The following RNF212 variants were observed in gnomAD, a reference collection of about 807,000 sequenced individuals.
RNF212 encodes probable E3 SUMO-protein ligase RNF212.
In RNF212, 33 loss-of-function variants were observed where a neutral mutation model predicts 34.7. That is an observed-to-expected ratio of 0.95 (90% CI 0.72 to 1.27). The LOEUF (loss-of-function observed/expected upper bound fraction) is 1.27, where lower values mean the gene tolerates loss of function less well. Among genes scored for constraint, RNF212 ranks in the 50% most tolerant of loss-of-function variants. RNF212 has a pLI of 0.00. For synonymous variants in RNF212, 140 were observed against 136.1 expected (o/e 1.03, Z -0.20); for missense variants, 377 against 362.2 (o/e 1.04, Z -0.33).
At chr4:1,099,792 T>C (rs1369684800) in intron 2 of RNF212, 1 of 456,232 alleles carries the variant, frequency 2.2e-6, no homozygotes, top group Non-Finnish European at 4.4e-6. Context: ...TCAACCCTGG[T>C]GCAGAGCAAT....
chr4:1,099,873 C>A, intron 2 of RNF212: 1 of 456,192 alleles, frequency 2.2e-6, no homozygotes, highest in Non-Finnish European at 4.4e-6. Context: ...GCTCTCCTCA[C>A]GCAGCTGTAA....
chr4:1,058,167 C>G (rs919855879), intron 4 of RNF212, among the ~76,000 whole-genome samples: 7 of 150,510 alleles, frequency 4.7e-5, no homozygotes, highest in African/African-American at 1.5e-4. Flanking sequence ...AGCACTAATT[C>G]TCTCTGGTGA....
At chr4:1,101,435 C>G (rs1723969825) in intron 2 of RNF212, 1 of 158,990 alleles carries the variant, frequency 6.3e-6, no homozygotes. Flanking sequence ...GTCCTGTAAA[C>G]ATGGTATTCC....
At chr4:1,079,121 A>G (rs1470324947) in intron 8 of RNF212, among the ~76,000 whole-genome samples, 2 of 151,618 alleles carry the variant, frequency 1.3e-5, no homozygotes, top group African/African-American at 2.4e-5. Context: ...GGGTCAACAC[A>G]GGACCAACAT....
At chr4:1,078,981 G>A (rs1343717380) in intron 8 of RNF212, among the ~76,000 whole-genome samples, 6 of 77,242 alleles carry the variant, frequency 7.8e-5, no homozygotes, top group East Asian at 3.7e-4. Context: ...CCAACACAGG[G>A]TCAACACAGG....
rs1160885517 is a variant in RNF212 at position 1,072,842 on chromosome 4, C to T, written c.*32G>A. The T allele has an allele frequency of 6.5e-7, 1 of 1,539,746 alleles. No homozygotes were observed. The highest frequency in any genetic ancestry group is 1.4e-5 in the African/African-American group (1 of 72,790). On this transcript the variant is annotated 3_prime_UTR_variant, in exon 10 of 10. Coordinates refer to ENST00000433731, the MANE Select transcript of RNF212 (RefSeq NM_001131034.4). ...AACACAGAGGAATAAATTGAAAACACTCAGAATCATTAATAGTCACATAAA... is the reference window on the plus strand; with the variant it reads ...AACACAGAGGAATAAATTGAAAACATTCAGAATCATTAATAGTCACATAAA...
downstream of RNF212, among the ~76,000 whole-genome samples, chr4:1,069,044 C>G (rs146684160): frequency 7.0e-3 from 1,072 of 152,170 alleles, 11 homozygotes; most frequent in African/African-American, 0.022. Context: ...TCCATCTCTA[C>G]TAAAAATACA....
chr4:1,098,484 T>G (rs1232120514), intron 2 of RNF212, among the ~76,000 whole-genome samples: 1 of 152,138 alleles, frequency 6.6e-6, no homozygotes, highest in African/African-American at 2.4e-5. Context: ...ATCCTGGAGG[T>G]GAGCTCCTCT....
chr4:1,102,713 G>A (rs377192633), intron 2 of RNF212, among the ~76,000 whole-genome samples: 3 of 148,298 alleles, frequency 2.0e-5, no homozygotes, highest in African/African-American at 7.6e-5. Context: ...TTAGCCGGGC[G>A]TGGTGGTGGG....
At chr4:1,059,305 T>C (rs1463516918) in intron 3 of RNF212, among the ~76,000 whole-genome samples, 1 of 152,230 alleles carries the variant, frequency 6.6e-6, no homozygotes, top group African/African-American at 2.4e-5. Flanking sequence ...CAGGTGACCC[T>C]GAGAAGGCTC....
chr4:1,093,938 G>C (rs368346002), intron 3 of RNF212: 2 of 1,536,206 alleles, frequency 1.3e-6, no homozygotes, highest in East Asian at 2.4e-5. Context: ...TCCATGGGTC[G>C]AGCCTCTGGG....
At chr4:1,101,257 C>T in intron 2 of RNF212, 1 of 332,420 alleles carries the variant, frequency 3.0e-6, no homozygotes, top group Admixed American at 3.2e-5. Flanking sequence ...CAAGTTATAT[C>T]CTTCTGGTCT....
intron 8 of RNF212, among the ~76,000 whole-genome samples, chr4:1,078,916 C>G (rs935961279): frequency 6.6e-6 from 1 of 150,908 alleles, no homozygotes; most frequent in South Asian, 2.1e-4. Flanking sequence ...CAACACAGGA[C>G]CAACACGGGA....
chr4:1,073,670 T>C lies in RNF212; in HGVS notation c.511-8A>G, dbSNP rs1357036013. 1.2e-6 allele frequency: 2 copies of C among 1,605,788 alleles called. No homozygotes were observed. Among genetic ancestry groups the C allele is most frequent in the African/African-American group, 2.7e-5 (2 of 74,430 alleles). The stretch of plus-strand genomic sequence containing the variant: ...GCCGGCTGCTATCTCAGACTAAGAA[T>C]GCAACAAGAAAACAATGGGTAAAAT... On this transcript the variant is annotated splice_region_variant and splice_polypyrimidine_tract_variant and intron_variant, in intron 8 of 9. Coordinates refer to ENST00000433731, the MANE Select transcript of RNF212 (RefSeq NM_001131034.4).
chr4:1,105,876 A>AG (rs1322525057), intron 2 of RNF212, among the ~76,000 whole-genome samples: 1 of 152,238 alleles, frequency 6.6e-6, no homozygotes, highest in Non-Finnish European at 1.5e-5. Context: ...TTCCAGTCAG[A>AG]GGGGACAAGA....
At chr4:1,079,601 C>T (rs575050820) in intron 8 of RNF212, 42 bp downstream of exon 8, 24 of 1,362,210 alleles carry the variant, frequency 1.8e-5, no homozygotes, top group South Asian at 1.6e-4. Context: ...AAATGCCACA[C>T]GTCTGGTATA....
chr4:1,110,500 G>A (rs889368566), intron 1 of RNF212, among the ~76,000 whole-genome samples: 5 of 152,142 alleles, frequency 3.3e-5, no homozygotes, highest in African/African-American at 1.2e-4. Flanking sequence ...AGAACAAGTG[G>A]TGTCTCATAG....
At chr4:1,106,109 C>G (rs1163243558) in intron 2 of RNF212, among the ~76,000 whole-genome samples, 6 of 152,172 alleles carry the variant, frequency 3.9e-5, no homozygotes, top group Admixed American at 6.5e-5. Flanking sequence ...GAGGAAGCAG[C>G]AGCTCCTATA....
At chr4:1,081,365 TG>T in intron 7 of RNF212, 53 bp downstream of exon 7, 1 of 1,510,438 alleles carries the variant, frequency 6.6e-7, no homozygotes, top group Non-Finnish European at 9.2e-7. Flanking sequence ...GGAAGGCAGG[TG>T]CAGAATCGGA....
Sources: allele counts gnomAD v4.1 joint callset (sites outside exome capture counted in the v4.1 genomes callset), GRCh38; gene constraint gnomAD v4.1.1; transcripts MANE v1.5; gene names NCBI Gene and HGNC (gene_info 2026-07-23, HGNC 2026-07-21).